The following TDRP variants were observed in gnomAD, a reference collection of about 807,000 sequenced individuals.
TDRP encodes testis development related protein.
TDRP carries 12 observed loss-of-function variants against 10.5 expected under a neutral mutation model. The observed-to-expected ratio is 1.15, with a 90% CI of 0.73 to 1.86. TDRP has a LOEUF of 1.86. Among genes scored for constraint, TDRP ranks in the 40% most tolerant of loss-of-function variants. The pLI is 0.00. For missense variants in TDRP, 353 were observed against 229.2 expected, an observed-to-expected ratio of 1.54 and a Z score of -3.49; for synonymous variants, 139 against 95.4, an observed-to-expected ratio of 1.46 and a Z score of -2.67.
intron 1 of TDRP, among the ~76,000 whole-genome samples, chr8:511,669 C>T (rs1801622444): frequency 6.6e-6 from 1 of 152,168 alleles, no homozygotes; most frequent in African/African-American, 2.4e-5. Context: ...ACAGATCAGT[C>T]TTCAGGACAG....
rs115766540 is a variant in TDRP, at chr8:531,275, G to C, written c.108+13375C>G. Among the ~76,000 whole-genome samples the C allele has an allele frequency of 3.5e-3, 537 of 152,214 alleles. 4 individuals are homozygous for C. The highest frequency in any genetic ancestry group is 0.012 in the African/African-American group (518 of 41,516). On this transcript the variant is annotated intron_variant, in intron 1 of 2. Coordinates refer to ENST00000324079, the MANE Select transcript of TDRP (RefSeq NM_001384899.1). ...TCTGTAATTCTCATACATCCTTTTG[G>C]ACTGTATATTGTTGTCAGTCAGAGT...
At chr8:543,849 T>C (rs1415007860) in intron 1 of TDRP, among the ~76,000 whole-genome samples, 1 of 148,884 alleles carries the variant, frequency 6.7e-6, no homozygotes. Context: ...CAGAAAGAGA[T>C]ATTTTATGAT....
chr8:523,147 A>C (rs1219660481), intron 1 of TDRP, among the ~76,000 whole-genome samples: 1 of 151,962 alleles, frequency 6.6e-6, no homozygotes, highest in Non-Finnish European at 1.5e-5. Context: ...AAATGTTTTT[A>C]TTCCTTTTTC....
At chr8:518,989 A>C (rs569049362) in intron 1 of TDRP, among the ~76,000 whole-genome samples, 1 of 152,270 alleles carries the variant, frequency 6.6e-6, no homozygotes, top group Admixed American at 6.5e-5. Context: ...TTCAGGATGG[A>C]GTCTGTCACC....
At chr8:502,730 G>C (rs904907707) in intron 1 of TDRP, among the ~76,000 whole-genome samples, 2 of 150,774 alleles carry the variant, frequency 1.3e-5, no homozygotes, top group Non-Finnish European at 1.5e-5. Context: ...ACAGAATCCA[G>C]AGCCACACAA....
At chr8:509,991 G>C (rs1801569101) in intron 1 of TDRP, among the ~76,000 whole-genome samples, 1 of 152,156 alleles carries the variant, frequency 6.6e-6, no homozygotes, top group Non-Finnish European at 1.5e-5. Context: ...CTGCACTCCA[G>C]CCTGGGTGAC....
chr8:491,681 A>G lies in TDRP; in HGVS notation c.*718T>C. 1.3e-6 allele frequency: 2 copies of G among 1,504,526 alleles called. No individual in the cohort carries two copies. The highest frequency in any genetic ancestry group is 1.8e-6 in the Non-Finnish European group (2 of 1,138,118). The allele number at this position is 1,504,526 out of a possible 1,614,324, so 93.2% of individuals were successfully genotyped here. Reference sequence around the variant, plus strand: ...CCATACTTCTTTAATCTGTAAACAAAAAAGAGAGCAAATGTTTTAAGAAAA... The same window carrying G: ...CCATACTTCTTTAATCTGTAAACAAGAAAGAGAGCAAATGTTTTAAGAAAA... On this transcript the variant is annotated 3_prime_UTR_variant, in exon 3 of 3. Transcript: ENST00000324079.
rs1434692524 is a variant in TDRP, at chr8:490,759, A to C, written c.*1640T>G. On this transcript the variant is annotated 3_prime_UTR_variant, in exon 3 of 3. Transcript: ENST00000324079. The stretch of plus-strand genomic sequence containing the variant: ...TATGAACTTGTCTCTGTATTATGGA[A>C]CAAAGAAAACCTCCACAACTTCACC... 1 of 152,256 alleles carries C rather than the reference A, an allele frequency of 6.6e-6. No individual in the cohort carries two copies. The highest frequency in any genetic ancestry group is 1.5e-5 in the Non-Finnish European group (1 of 68,040). 9.4% of individuals were successfully genotyped at this position (152,256 alleles called of 1,614,324 possible). A position where few individuals can be genotyped will look rare whatever the true frequency, so the allele number is the denominator to read the frequency against.
intron 1 of TDRP, among the ~76,000 whole-genome samples, chr8:506,507 G>T (rs75914311): frequency 1.3e-5 from 2 of 152,174 alleles, no homozygotes; most frequent in Non-Finnish European, 2.9e-5. Context: ...GGACTCCCTT[G>T]TTCCAGCCCC....
At chr8:528,918 G>C (rs1038193058) in intron 1 of TDRP, among the ~76,000 whole-genome samples, 1 of 152,090 alleles carries the variant, frequency 6.6e-6, no homozygotes, top group African/African-American at 2.4e-5. Context: ...CCCACAACAG[G>C]ATGTCTGCAA....
intron 1 of TDRP, among the ~76,000 whole-genome samples, chr8:522,316 G>C (rs1037784254): frequency 6.6e-6 from 1 of 152,156 alleles, no homozygotes; most frequent in Non-Finnish European, 1.5e-5. Flanking sequence ...TAAAGACTGT[G>C]TAAGCAAAAA....
At chr8:528,099 G>A (rs779234113) in intron 1 of TDRP, among the ~76,000 whole-genome samples, 1 of 152,060 alleles carries the variant, frequency 6.6e-6, no homozygotes, top group Middle Eastern at 3.4e-3. Flanking sequence ...ATGGACACAA[G>A]ACCTGAGTAG....
chr8:532,045 G>C (rs1157717495), intron 1 of TDRP, among the ~76,000 whole-genome samples: 7 of 152,314 alleles, frequency 4.6e-5, no homozygotes, highest in African/African-American at 1.7e-4. Context: ...TTTCTCCTAA[G>C]TCCAGGAGAA....
chr8:520,491 CT>C (rs1801874718), intron 1 of TDRP, among the ~76,000 whole-genome samples: 1 of 152,180 alleles, frequency 6.6e-6, no homozygotes, highest in Non-Finnish European at 1.5e-5. Flanking sequence ...ACATATAATT[CT>C]ATTTTTAACT....
chr8:512,679 T>C (rs1047229965), intron 1 of TDRP, among the ~76,000 whole-genome samples: 2 of 151,896 alleles, frequency 1.3e-5, no homozygotes, highest in African/African-American at 4.8e-5. Flanking sequence ...AATACATATA[T>C]AACAAGTGAA....
upstream of TDRP, chr8:545,478 A>C (rs1802628829): frequency 6.8e-6 from 1 of 148,072 alleles, no homozygotes; most frequent in Non-Finnish European, 1.5e-5. Context: ...CCCTGGCCGG[A>C]GGGCGTGGCC....
intron 1 of TDRP, among the ~76,000 whole-genome samples, chr8:542,078 T>C (rs1240657175): frequency 6.6e-6 from 1 of 152,032 alleles, no homozygotes; most frequent in Non-Finnish European, 1.5e-5. Flanking sequence ...TACTATTCAG[T>C]GCTAAAAAGA....
intron 1 of TDRP, among the ~76,000 whole-genome samples, chr8:501,310 T>C (rs1382513331): frequency 1.3e-5 from 2 of 152,130 alleles, no homozygotes; most frequent in Non-Finnish European, 2.9e-5. Flanking sequence ...CATGTAATTT[T>C]AGTATTTCAT....
In TDRP at chr8:541,741, A is replaced by T. The variant is rs373102118; in HGVS notation, c.108+2909T>A. On this transcript the variant is annotated intron_variant, in intron 1 of 2. Transcript: ENST00000324079. ...ACCTACTAGGATGGACAAAGTCTAC[A>T]TACTGACAGCACCAAATGCTGGCAA... Among the ~76,000 whole-genome samples, 12 of 152,350 alleles carry T rather than the reference A, an allele frequency of 7.9e-5. No individual in the cohort carries two copies. The East Asian group carries it at 1.2e-3, about 15-fold the overall frequency.
Sources: allele counts gnomAD v4.1 joint callset (sites outside exome capture counted in the v4.1 genomes callset), GRCh38; gene constraint gnomAD v4.1.1; transcripts MANE v1.5; gene names NCBI Gene and HGNC (gene_info 2026-07-23, HGNC 2026-07-21).